SKIC3: variants seen among roughly 807,000 people sequenced by gnomAD.
The protein encoded by SKIC3 is superkiller complex protein 3.
chr5:95,474,006 T>C, the SKIC3 span, among the ~76,000 whole-genome samples: 2 of 152,218 alleles, frequency 1.3e-5, no homozygotes, highest in Non-Finnish European at 2.9e-5. Flanking sequence ...AAAAGGTATT[T>C]CCTAGGTTTT....
the SKIC3 span, chr5:95,498,242 T>C: frequency 1.1e-6 from 1 of 924,182 alleles, no homozygotes; most frequent in Non-Finnish European, 1.7e-6. Flanking sequence ...GTGTAAAATT[T>C]CATAAAACCA....
At chr5:95,523,384 C>T in the SKIC3 span, 3 of 1,536,814 alleles carry the variant, frequency 2.0e-6, no homozygotes, top group Non-Finnish European at 2.7e-6. Context: ...AGACAGAACG[C>T]TCATGTAAAG....
the SKIC3 span, among the ~76,000 whole-genome samples, chr5:95,519,469 C>A: frequency 6.6e-6 from 1 of 151,912 alleles, no homozygotes; most frequent in Non-Finnish European, 1.5e-5. Context: ...TAAAAGCCCA[C>A]TGAGAATCTG....
the SKIC3 span, chr5:95,469,648 T>C: frequency 6.4e-6 from 8 of 1,250,814 alleles, no homozygotes; most frequent in Non-Finnish European, 9.2e-6. Flanking sequence ...GATACAGATA[T>C]ATAAATACCC....
At chr5:95,514,572 A>G in the SKIC3 span, among the ~76,000 whole-genome samples, 1 of 152,198 alleles carries the variant, frequency 6.6e-6, no homozygotes, top group Admixed American at 6.5e-5. Context: ...AAGGCCCCCC[A>G]AGTCAGAGTT....
the SKIC3 span, among the ~76,000 whole-genome samples, chr5:95,530,670 C>T: frequency 9.2e-5 from 14 of 152,122 alleles, no homozygotes; most frequent in Admixed American, 2.0e-4. Context: ...ACAAGATAGG[C>T]GGGTTACTCA....
chr5:95,495,661 C>A, the SKIC3 span, among the ~76,000 whole-genome samples: 1 of 152,142 alleles, frequency 6.6e-6, no homozygotes, highest in Non-Finnish European at 1.5e-5. Flanking sequence ...AGCCAACTTA[C>A]TCACTAAAAA....
the SKIC3 span, among the ~76,000 whole-genome samples, chr5:95,533,737 C>G: frequency 1.3e-5 from 2 of 152,196 alleles, no homozygotes; most frequent in Non-Finnish European, 2.9e-5. Flanking sequence ...AAGACACTTT[C>G]TAATCAATCA....
the SKIC3 span, chr5:95,521,971 C>G: frequency 1.3e-6 from 2 of 1,571,494 alleles, no homozygotes; most frequent in Middle Eastern, 2.1e-4. Context: ...TCAAGTTATT[C>G]AATACATTTA....
chr5:95,464,374 G>A, the SKIC3 span: 1 of 471,830 alleles, frequency 2.1e-6, no homozygotes, highest in South Asian at 2.3e-5. Context: ...AGGCAATAAT[G>A]GTTTTCCTTT....
chr5:95,517,043 A>C, the SKIC3 span: 2 of 1,613,682 alleles, frequency 1.2e-6, no homozygotes, highest in African/African-American at 1.3e-5. Context: ...CATCAGTTTT[A>C]ATGCACGACC....
At chr5:95,524,605 G>T in the SKIC3 span, 1 of 1,612,652 alleles carries the variant, frequency 6.2e-7, no homozygotes, top group South Asian at 1.1e-5. Flanking sequence ...AGCCACCAAA[G>T]GGTAATAAAA....
chr5:95,552,080 T>C, the SKIC3 span, among the ~76,000 whole-genome samples: 1 of 152,278 alleles, frequency 6.6e-6, no homozygotes, highest in South Asian at 2.1e-4. Context: ...TTACAAATGG[T>C]TGAACTTACA....
the SKIC3 span, among the ~76,000 whole-genome samples, chr5:95,554,261 G>A: frequency 1.2e-4 from 18 of 152,090 alleles, no homozygotes; most frequent in Non-Finnish European, 1.9e-4. Flanking sequence ...ACTTAAGTAA[G>A]TAGTATAACT....
chr5:95,482,271 T>A, the SKIC3 span, among the ~76,000 whole-genome samples: 2 of 152,158 alleles, frequency 1.3e-5, no homozygotes, highest in Non-Finnish European at 2.9e-5. Flanking sequence ...TTAAAAAGCT[T>A]TAAATCATCA....
the SKIC3 span, among the ~76,000 whole-genome samples, chr5:95,505,885 C>G: frequency 6.6e-6 from 1 of 151,640 alleles, no homozygotes; most frequent in South Asian, 2.1e-4. Flanking sequence ...TGATTGGTGA[C>G]TTTTCATTAA....
chr5:95,474,631 G>A, the SKIC3 span, among the ~76,000 whole-genome samples: 6 of 152,040 alleles, frequency 3.9e-5, no homozygotes, highest in East Asian at 9.6e-4. Flanking sequence ...TACATAGCTG[G>A]GGTTTTCTGT....
chr5:95,522,071 T>C, the SKIC3 span: 3 of 1,613,554 alleles, frequency 1.9e-6, no homozygotes, highest in South Asian at 1.1e-5. Flanking sequence ...AGCAGGCACA[T>C]AATCTTCTTT....
At chr5:95,536,660 C>T in the SKIC3 span, 2 of 660,632 alleles carry the variant, frequency 3.0e-6, no homozygotes, top group Non-Finnish European at 5.4e-6. Flanking sequence ...TTAGTCTTTT[C>T]ATATACACAA....
Sources: gnomAD v4.1 joint callset for allele counts (sites outside exome capture counted in the v4.1 genomes callset) on GRCh38, gnomAD v4.1.1 for gene constraint, MANE v1.5 for transcripts, NCBI Gene and HGNC (gene_info 2026-07-23, HGNC 2026-07-21) for gene names.